Variants in NOVA1 observed in about 807,000 individuals in gnomAD.
The protein encoded by NOVA1 is NOVA alternative splicing regulator 1.
Under a neutral mutation model 38.0 loss-of-function variants are expected in NOVA1, and 7 were observed. The observed-to-expected ratio is 0.18, with a 90% CI of 0.10 to 0.35. The LOEUF (loss-of-function observed/expected upper bound fraction) is 0.35. NOVA1 is among the 10% of genes least tolerant of loss of function. The pLI, the probability that NOVA1 is intolerant of heterozygous loss-of-function variation, is 1.00. For missense variants in NOVA1, 460 were observed against 616.0 expected (o/e 0.75, Z 2.68); for synonymous variants, 270 against 232.5 (o/e 1.16, Z -1.47).
chr14:26,481,029 C>G (rs1408132853), intron 2 of NOVA1, among the ~76,000 whole-genome samples: 1 of 152,028 alleles, frequency 6.6e-6, no homozygotes, highest in Non-Finnish European at 1.5e-5. Flanking sequence ...CTATTTTATA[C>G]TTTACAGATA....
At chr14:26,497,704 T>C (rs1267338457) in intron 2 of NOVA1, among the ~76,000 whole-genome samples, 2 of 152,168 alleles carry the variant, frequency 1.3e-5, no homozygotes. Context: ...CAGAGAATAA[T>C]TATGCATGGA....
Position 26,559,962 on chromosome 14 carries a change from A to G in NOVA1, c.280+35448T>C, listed in dbSNP as rs555824986. ...TTACAAATTATACAAAATGTATTAA[A>G]TTATTGTAATATATTACATTGTATG... On this transcript the variant is annotated intron_variant, in intron 2 of 4. Transcript: ENST00000539517. Among the ~76,000 whole-genome samples the G allele has an allele frequency of 1.3e-4, 20 of 152,212 alleles. No individual in the cohort carries two copies. In the East Asian group the frequency reaches 3.7e-3, roughly 28 times the overall value.
intron 2 of NOVA1, among the ~76,000 whole-genome samples, chr14:26,524,658 T>C (rs1340917637): frequency 2.0e-5 from 3 of 152,174 alleles, no homozygotes; most frequent in Non-Finnish European, 4.4e-5. Context: ...TTCAGTAAGT[T>C]CTTCAAGTTG....
intron 2 of NOVA1, among the ~76,000 whole-genome samples, chr14:26,481,139 A>G (rs974624324): frequency 6.6e-6 from 1 of 152,070 alleles, no homozygotes; most frequent in Non-Finnish European, 1.5e-5. Context: ...ACCCAACATA[A>G]CACATGAACT....
chr14:26,449,503 GCTTA>G (rs1039987228), intron 4 of NOVA1, among the ~76,000 whole-genome samples: 21 of 152,094 alleles, frequency 1.4e-4, no homozygotes, highest in Admixed American at 9.2e-4. Flanking sequence ...ATTAAAGATA[GCTTA>G]CTTGTTTCAT....
chr14:26,546,899 G>A lies in NOVA1; in HGVS notation c.280+48511C>T, dbSNP rs1890822449. Among the ~76,000 whole-genome samples, 3 of 152,076 alleles carry A rather than the reference G, an allele frequency of 2.0e-5. No homozygotes were observed. In the South Asian group the frequency reaches 6.2e-4, roughly 31 times the overall value. On this transcript the variant is annotated intron_variant, in intron 2 of 4. Transcript: ENST00000539517. ...CTGGGTGTGGTGGCACATGCCTGTA[G>A]TCCCAGCTACTCAGGAGGCTGAGGC...
At chr14:26,521,628 T>A (rs965616519) in intron 2 of NOVA1, among the ~76,000 whole-genome samples, 1 of 152,052 alleles carries the variant, frequency 6.6e-6, no homozygotes, top group Non-Finnish European at 1.5e-5. Context: ...TAAAATTTAC[T>A]CTTTATCTTT....
At chr14:26,535,898 G>A (rs1890046398) in intron 2 of NOVA1, among the ~76,000 whole-genome samples, 1 of 150,394 alleles carries the variant, frequency 6.6e-6, no homozygotes, top group Non-Finnish European at 1.5e-5. Flanking sequence ...AGAATGGTGT[G>A]AACCTGGGAG....
intron 2 of NOVA1, among the ~76,000 whole-genome samples, chr14:26,485,395 T>TAA (rs1217264554): frequency 2.0e-5 from 3 of 152,128 alleles, no homozygotes; most frequent in Non-Finnish European, 4.4e-5. Flanking sequence ...TATAATAAGT[T>TAA]ATAATTTATC....
intron 2 of NOVA1, among the ~76,000 whole-genome samples, chr14:26,515,250 A>G (rs997568532): frequency 6.6e-6 from 1 of 151,956 alleles, no homozygotes; most frequent in Admixed American, 6.6e-5. Context: ...CAATGACTGT[A>G]ATGTGTAACC....
chr14:26,454,375 G>C (rs567693256), intron 4 of NOVA1, among the ~76,000 whole-genome samples: 2 of 152,126 alleles, frequency 1.3e-5, no homozygotes, highest in African/African-American at 4.8e-5. Flanking sequence ...ATGAGAAGTT[G>C]GGAAACTTGT....
chr14:26,524,022 A>G (rs1889118961), intron 2 of NOVA1, among the ~76,000 whole-genome samples: 1 of 152,102 alleles, frequency 6.6e-6, no homozygotes, highest in African/African-American at 2.4e-5. Flanking sequence ...AAGTGCTCCA[A>G]TTATAGGCGG....
chr14:26,465,924 T>C (rs556578704), intron 4 of NOVA1, among the ~76,000 whole-genome samples: 1 of 151,902 alleles, frequency 6.6e-6, no homozygotes, highest in South Asian at 2.1e-4. Context: ...ACAGTATTCA[T>C]GAGGCAATGG....
At chr14:26,478,039 G>C (rs1180861426) in intron 3 of NOVA1, among the ~76,000 whole-genome samples, 3 of 151,808 alleles carry the variant, frequency 2.0e-5, no homozygotes, top group Non-Finnish European at 2.9e-5. Flanking sequence ...CTAATTCCAT[G>C]AATACCTACA....
At chr14:26,539,714 T>G (rs1594495701) in intron 2 of NOVA1, among the ~76,000 whole-genome samples, 1 of 152,170 alleles carries the variant, frequency 6.6e-6, no homozygotes, top group African/African-American at 2.4e-5. Context: ...GTTATTTTTA[T>G]ATAACACTGA....
At chr14:26,511,855 G>T (rs1270516970) in intron 2 of NOVA1, among the ~76,000 whole-genome samples, 1 of 152,038 alleles carries the variant, frequency 6.6e-6, no homozygotes, top group Non-Finnish European at 1.5e-5. Context: ...TTGATTGAAA[G>T]ACCCTTTCAT....
chr14:26,592,458 T>C (rs1448286777), intron 2 of NOVA1, among the ~76,000 whole-genome samples: 1 of 151,390 alleles, frequency 6.6e-6, no homozygotes, highest in Non-Finnish European at 1.5e-5. Flanking sequence ...CTGTAAGATT[T>C]GATTTTGTAA....
In NOVA1 at chr14:26,593,538, C is replaced by G. The variant is rs367892492; in HGVS notation, c.280+1872G>C. 9 of 151,934 alleles carry G rather than the reference C, an allele frequency of 5.9e-5. No individual in the cohort carries two copies. The East Asian group carries it at 1.2e-3, about 20-fold the overall frequency. The allele number at this position is 151,934 out of a possible 1,614,324, so 9.4% of individuals were successfully genotyped here. On this transcript the variant is annotated intron_variant, in intron 2 of 4. Coordinates refer to ENST00000539517, the MANE Select transcript of NOVA1 (RefSeq NM_002515.3). ...CCTGTTACCGGTAAAGTATAGACTT[C>G]TTTTATCCAACATTTCAACTCACAT...
intron 2 of NOVA1, among the ~76,000 whole-genome samples, chr14:26,580,607 A>C (rs1893151319): frequency 6.6e-6 from 1 of 152,094 alleles, no homozygotes; most frequent in African/African-American, 2.4e-5. Flanking sequence ...TAAACCCATT[A>C]ATCAACATAG....
Sources: gnomAD v4.1 joint callset for allele counts (sites outside exome capture counted in the v4.1 genomes callset) on GRCh38, gnomAD v4.1.1 for gene constraint, MANE v1.5 for transcripts, NCBI Gene and HGNC (gene_info 2026-07-23, HGNC 2026-07-21) for gene names.